Variants in AFF2 observed in about 807,000 individuals in gnomAD.
AFF2 encodes the protein ALF transcription elongation factor 2.
A neutral mutation model predicts 76.9 loss-of-function variants in AFF2; 14 were observed. The ratio of observed to expected loss-of-function variants is 0.18; its 90% CI spans 0.12 to 0.28. The LOEUF is 0.28. AFF2 is among the 10% of genes least tolerant of loss of function. AFF2 has a pLI of 1.00. For synonymous variants in AFF2, 398 were observed against 366.7 expected, an observed-to-expected ratio of 1.09 and a Z score of -0.98; for missense variants, 868 against 1,001.1, an observed-to-expected ratio of 0.87 and a Z score of 1.79.
chrX:148,544,319 C>A (rs1341757621), intron 1 of AFF2, among the ~76,000 whole-genome samples: 3 of 112,598 alleles, frequency 2.7e-5, no homozygotes, highest in Non-Finnish European at 5.6e-5. Context: ...TTCCTATATA[C>A]CCATGACTGT....
chrX:148,983,953 C>CCAAAAAAAAAAAAAAA (rs2072427363), intron 19 of AFF2, among the ~76,000 whole-genome samples: 2 of 29,124 alleles, frequency 6.9e-5, no homozygotes, highest in Non-Finnish European at 1.2e-4. Flanking sequence ...GTGAAATAGA[C>CCAAAAAAAAAAAAAAA]AAAAAAAAAA....
rs782719856 is a variant in AFF2 at position 148,620,981 on chromosome X, A to G, written c.48-31018A>G. 3.6e-5 allele frequency among the ~76,000 whole-genome samples: 4 copies of G among 112,196 alleles called. No homozygotes were observed. In the East Asian group the frequency reaches 1.1e-3, roughly 32 times the overall value. The stretch of plus-strand genomic sequence containing the variant: ...ATAACTCTCAGATAGCAAAATGATG[A>G]TAGAAAGCACTCTCAAAGGAGAGCT... On this transcript the variant is annotated intron_variant, in intron 1 of 20. Coordinates refer to ENST00000370460, the MANE Select transcript of AFF2 (RefSeq NM_002025.4).
chrX:148,623,714 C>T (rs1210258188), intron 1 of AFF2, among the ~76,000 whole-genome samples: 1 of 109,186 alleles, frequency 9.2e-6, no homozygotes, highest in Non-Finnish European at 1.9e-5. Flanking sequence ...TAAAAATAAA[C>T]AGATAATCTG....
Position 148,661,874 on chromosome X carries a change from C to T in AFF2, c.181-34C>T, listed in dbSNP as rs782329801. The stretch of plus-strand genomic sequence containing the variant: ...TAGGAAACACAAACCTATTCATTCT[C>T]TCTCCTCCCACCCCCATCTTTTTGT... On this transcript the variant is annotated intron_variant, in intron 2 of 20. Transcript: ENST00000370460. 8.7e-6 allele frequency: 10 copies of T among 1,153,402 alleles called. No homozygotes were observed. The Admixed American group carries it at 2.4e-4, about 28-fold the overall frequency.
At chrX:148,629,318 A>C (rs1269748912) in intron 1 of AFF2, among the ~76,000 whole-genome samples, 2 of 111,729 alleles carry the variant, frequency 1.8e-5, no homozygotes, top group African/African-American at 6.5e-5. Flanking sequence ...CTTTGAGATA[A>C]AGCTTTATAT....
chrX:148,550,931 C>T, intron 1 of AFF2, among the ~76,000 whole-genome samples: 1 of 108,423 alleles, frequency 9.2e-6, no homozygotes, highest in Non-Finnish European at 1.9e-5. Context: ...TGTGAGGGGC[C>T]ATCCTGATTA....
At chrX:148,723,919 CTTT>C (rs782084454) in intron 3 of AFF2, among the ~76,000 whole-genome samples, 2 of 84,571 alleles carry the variant, frequency 2.4e-5, no homozygotes, top group African/African-American at 4.4e-5. Flanking sequence ...TTTCTTTTTT[CTTT>C]TTTTTTTTTT....
chrX:148,699,883 G>T (rs1248070270), intron 3 of AFF2, among the ~76,000 whole-genome samples: 1 of 112,142 alleles, frequency 8.9e-6, no homozygotes, highest in East Asian at 2.8e-4. Context: ...AAATGTCAAT[G>T]TTTTAATGTT....
intron 3 of AFF2, among the ~76,000 whole-genome samples, chrX:148,672,308 T>C (rs1427156937): frequency 8.9e-6 from 1 of 112,380 alleles, no homozygotes; most frequent in African/African-American, 3.2e-5. Context: ...ACTTTGTAGT[T>C]TACAAATGCC....
At chrX:148,524,307 A>G (rs1435915946) in intron 1 of AFF2, among the ~76,000 whole-genome samples, 7 of 111,258 alleles carry the variant, frequency 6.3e-5, no homozygotes, top group African/African-American at 2.3e-4. Context: ...ACAATGTTCC[A>G]GAAGGATTTG....
chrX:148,786,098 G>A (rs994007387), intron 3 of AFF2, among the ~76,000 whole-genome samples: 2 of 111,804 alleles, frequency 1.8e-5, no homozygotes, highest in Non-Finnish European at 3.8e-5. Context: ...TAAGTATTTA[G>A]TAAATGTGAC....
chrX:148,875,119 A>G (rs2071021534), intron 7 of AFF2, among the ~76,000 whole-genome samples: 1 of 112,099 alleles, frequency 8.9e-6, no homozygotes, highest in South Asian at 3.7e-4. Flanking sequence ...AAGTGCATCA[A>G]CATAAATGTT....
At chrX:148,896,872 G>A (rs1224583852) in intron 8 of AFF2, among the ~76,000 whole-genome samples, 2 of 110,152 alleles carry the variant, frequency 1.8e-5, no homozygotes, top group Non-Finnish European at 3.8e-5. Context: ...CACAGAAATA[G>A]TAATGCTGTC....
chrX:148,908,631 A>T (rs909828672), intron 9 of AFF2, among the ~76,000 whole-genome samples: 5 of 111,999 alleles, frequency 4.5e-5, no homozygotes, highest in African/African-American at 1.6e-4. Context: ...TGAGCATACA[A>T]TGAAAATTGT....
intron 3 of AFF2, among the ~76,000 whole-genome samples, chrX:148,765,546 T>C (rs782577070): frequency 8.9e-6 from 1 of 111,779 alleles, no homozygotes; most frequent in East Asian, 2.8e-4. Context: ...AAAATAGATC[T>C]TAGTTGTATA....
At chrX:148,544,392 AT>A (rs1369587326) in intron 1 of AFF2, among the ~76,000 whole-genome samples, 3 of 111,222 alleles carry the variant, frequency 2.7e-5, no homozygotes, top group African/African-American at 9.8e-5. Flanking sequence ...AGGTTTACAT[AT>A]CCCCATCCCC....
intron 3 of AFF2, among the ~76,000 whole-genome samples, chrX:148,785,041 C>T (rs1391464208): frequency 1.8e-5 from 2 of 111,863 alleles, no homozygotes; most frequent in Admixed American, 9.4e-5. Context: ...TTTGCTTTCG[C>T]TTCTCTTGCT....
chrX:148,622,454 T>A (rs1331755862), intron 1 of AFF2, among the ~76,000 whole-genome samples: 1 of 111,774 alleles, frequency 8.9e-6, no homozygotes, highest in Admixed American at 9.5e-5. Context: ...TTGGATGAGA[T>A]CCACCCACAT....
chrX:148,720,563 CAT>C (rs2055078999), intron 3 of AFF2, among the ~76,000 whole-genome samples: 3 of 111,462 alleles, frequency 2.7e-5, no homozygotes, highest in East Asian at 2.8e-4. Context: ...AAGAGCAACA[CAT>C]GTGCTATTCC....
Sources: allele counts gnomAD v4.1 joint callset (sites outside exome capture counted in the v4.1 genomes callset), GRCh38; gene constraint gnomAD v4.1.1; transcripts MANE v1.5; gene names NCBI Gene and HGNC (gene_info 2026-07-23, HGNC 2026-07-21).